The following SLC5A4 variants were observed in gnomAD, a reference collection of about 807,000 sequenced individuals.
SLC5A4 encodes solute carrier family 5 member 4, also known as probable glucose sensor protein SLC5A4.
In SLC5A4, 55 loss-of-function variants were observed where a neutral mutation model predicts 70.3. That is an observed-to-expected ratio of 0.78 (90% CI 0.63 to 0.98). SLC5A4 has a LOEUF of 0.98. SLC5A4 is among the 50% of genes least tolerant of loss of function. The probability of loss-of-function intolerance (pLI) is 0.00; values close to 1 mark genes in which losing one functional copy is unlikely to be tolerated. For missense variants in SLC5A4, 735 were observed against 839.2 expected (o/e 0.88, Z 1.53); for synonymous variants, 268 against 305.7 (o/e 0.88, Z 1.29).
the SLC5A4 span, among the ~76,000 whole-genome samples, chr22:32,321,695 G>A: frequency 0.83 from 125,492 of 152,100 alleles, 51,879 homozygotes; most frequent in Middle Eastern, 0.9. Flanking sequence ...TTTAGCTCCC[G>A]CTTATAAGTG....
At chr22:32,258,098 C>T (rs192274377), upstream of SLC5A4, among the ~76,000 whole-genome samples, 36 of 152,134 alleles carry the variant, frequency 2.4e-4, no homozygotes, top group Non-Finnish European at 4.6e-4. Flanking sequence ...TGATTCTTCT[C>T]CTGCCTCAGC....
intron 14 of SLC5A4, among the ~76,000 whole-genome samples, chr22:32,219,161 A>G (rs575064914): frequency 6.6e-6 from 1 of 152,344 alleles, no homozygotes; most frequent in Non-Finnish European, 1.5e-5. Flanking sequence ...TATTAGTGGG[A>G]AAAATACAGA....
At chr22:32,267,853 G>C in the SLC5A4 span, among the ~76,000 whole-genome samples, 785 of 152,366 alleles carry the variant, frequency 5.2e-3, 12 homozygotes, top group Non-Finnish European at 5.7e-3. Context: ...GGCTGGACGT[G>C]GTGGCTCACG....
intron 12 of SLC5A4, 23 bp downstream of exon 12, chr22:32,225,631 AC>A (rs112309500): frequency 9.1e-6 from 14 of 1,539,544 alleles, no homozygotes; most frequent in African/African-American, 4.2e-5. Context: ...CAGCAGGGAA[AC>A]TTTTTTTCCA....
chr22:32,320,652 T>C, the SLC5A4 span, among the ~76,000 whole-genome samples: 1 of 152,200 alleles, frequency 6.6e-6, no homozygotes, highest in African/African-American at 2.4e-5. Context: ...CCCTGAACCT[T>C]AGTCTTGAAT....
At chr22:32,342,311 T>C in the SLC5A4 span, among the ~76,000 whole-genome samples, 2 of 152,168 alleles carry the variant, frequency 1.3e-5, no homozygotes, top group African/African-American at 2.4e-5. Flanking sequence ...AGTAACATTG[T>C]AGAAGCCTAA....
At chr22:32,244,728 C>T (rs900935139) in intron 5 of SLC5A4, among the ~76,000 whole-genome samples, 2 of 152,036 alleles carry the variant, frequency 1.3e-5, no homozygotes, top group South Asian at 2.1e-4. Context: ...AAGGGTCTCA[C>T]TATTTAGCCC....
At chr22:32,278,595 C>G in the SLC5A4 span, among the ~76,000 whole-genome samples, 1 of 152,180 alleles carries the variant, frequency 6.6e-6, no homozygotes, top group South Asian at 2.1e-4. Context: ...TCTGAAGTTT[C>G]TCTAAATCAA....
chr22:32,310,182 T>C, the SLC5A4 span, among the ~76,000 whole-genome samples: 3 of 151,950 alleles, frequency 2.0e-5, no homozygotes, highest in African/African-American at 4.8e-5. Flanking sequence ...CCTGTGACCT[T>C]AGGTGTCCAG....
At chr22:32,283,062 C>T in the SLC5A4 span, among the ~76,000 whole-genome samples, 1 of 152,232 alleles carries the variant, frequency 6.6e-6, no homozygotes, top group Non-Finnish European at 1.5e-5. Flanking sequence ...CAGCGTCCCT[C>T]CTGGATTCTG....
chr22:32,218,595 C>T lies in SLC5A4; in HGVS notation c.1899G>A (p.Arg633=), dbSNP rs751016216. The T allele has an allele frequency of 6.2e-7, 1 of 1,613,884 alleles. No individual in the cohort carries two copies. The highest frequency in any genetic ancestry group is 1.1e-5 in the South Asian group (1 of 91,062). Residue 633 remains arginine (R), a synonymous_variant, in exon 15 of 15, where the codon AGG becomes AGA. Coordinates refer to ENST00000266086, the MANE Select transcript of SLC5A4 (RefSeq NM_014227.3). ...LSKKLTDTSE[R]PSWRTIVNIN... ...TGTTCACTATTGTCCTCCACGAGGG[C>T]CTCTCAGACGTGTCTGTGAGCTTCT...
the SLC5A4 span, among the ~76,000 whole-genome samples, chr22:32,281,591 C>T: frequency 3.9e-5 from 6 of 152,082 alleles, no homozygotes; most frequent in African/African-American, 1.4e-4. Flanking sequence ...TGCAGTGGTC[C>T]AATCACAGCT....
chr22:32,260,890 T>C, the SLC5A4 span, among the ~76,000 whole-genome samples: 2 of 152,046 alleles, frequency 1.3e-5, no homozygotes, highest in African/African-American at 2.4e-5. Context: ...CTGGCCAACA[T>C]GGTGAAACCC....
chr22:32,221,127 C>T (rs1925056068), intron 13 of SLC5A4, 105 bp from the exon 14 acceptor site: 2 of 748,086 alleles, frequency 2.7e-6, no homozygotes, highest in African/African-American at 1.7e-5. Flanking sequence ...AAAAATCAAA[C>T]CATACAGGAG....
chr22:32,274,928 T>TCCAC, the SLC5A4 span, among the ~76,000 whole-genome samples: 44,615 of 151,946 alleles, frequency 0.29, 6,522 homozygotes, highest in East Asian at 0.33. Flanking sequence ...CAGTTCAACT[T>TCCAC]ATGAGTCCTT....
chr22:32,305,812 C>G, the SLC5A4 span, among the ~76,000 whole-genome samples: 21,681 of 151,464 alleles, frequency 0.14, 1,755 homozygotes, highest in East Asian at 0.32. Flanking sequence ...GAAGGCATGC[C>G]GTCTGCAGTG....
the SLC5A4 span, among the ~76,000 whole-genome samples, chr22:32,318,709 GAA>G: frequency 1.3e-5 from 2 of 152,192 alleles, no homozygotes; most frequent in Admixed American, 6.5e-5. Context: ...AGCAGCCAGA[GAA>G]GCCCTGTGAA....
the SLC5A4 span, among the ~76,000 whole-genome samples, chr22:32,263,759 T>C: frequency 6.6e-6 from 1 of 152,206 alleles, no homozygotes; most frequent in African/African-American, 2.4e-5. Flanking sequence ...CGTATTTTTA[T>C]TGCGGTACTA....
intron 12 of SLC5A4, 32 bp from the exon 13 acceptor site, chr22:32,224,514 T>G: frequency 6.6e-7 from 1 of 1,526,626 alleles, no homozygotes; most frequent in Non-Finnish European, 9.1e-7. Context: ...AATCAGAATG[T>G]TTAGAAAATA....
Sources: allele counts gnomAD v4.1 joint callset (sites outside exome capture counted in the v4.1 genomes callset), GRCh38; gene constraint gnomAD v4.1.1; transcripts MANE v1.5; gene names NCBI Gene and HGNC (gene_info 2026-07-23, HGNC 2026-07-21).